CRLS1: variants seen among roughly 807,000 people sequenced by gnomAD.
CRLS1 encodes the protein cardiolipin synthase (CMP-forming).
CRLS1 carries 24 observed loss-of-function variants against 37.0 expected under a neutral mutation model. That is an observed-to-expected ratio of 0.65 (90% CI 0.47 to 0.91). The LOEUF is 0.91. Among genes scored for constraint, CRLS1 ranks in the 40% least tolerant of loss-of-function variants. The probability of loss-of-function intolerance (pLI) is 0.00; values close to 1 mark genes in which losing one functional copy is unlikely to be tolerated. For synonymous variants in CRLS1, 135 were observed against 159.7 expected, an observed-to-expected ratio of 0.85 and a Z score of 1.17; for missense variants, 373 against 395.8, an observed-to-expected ratio of 0.94 and a Z score of 0.49.
chr20:6,025,038 T>TG (rs1395318545), intron 3 of CRLS1, among the ~76,000 whole-genome samples: 1 of 152,146 alleles, frequency 6.6e-6, no homozygotes, highest in African/African-American at 2.4e-5. Context: ...CAGGCACTAG[T>TG]GGGGAAGCTG....
At chr20:6,028,025 CA>C (rs1749943881) in intron 3 of CRLS1, among the ~76,000 whole-genome samples, 1 of 152,172 alleles carries the variant, frequency 6.6e-6, no homozygotes, top group South Asian at 2.1e-4. Flanking sequence ...TATATCCTTT[CA>C]TTTCTTTACT....
chr20:6,025,044 A>T (rs1379283394), intron 3 of CRLS1, among the ~76,000 whole-genome samples: 1 of 152,016 alleles, frequency 6.6e-6, no homozygotes, highest in Non-Finnish European at 1.5e-5. Context: ...CTAGTGGGGA[A>T]GCTGCAGCAA....
intron 2 of CRLS1, among the ~76,000 whole-genome samples, chr20:6,011,833 A>ACCTCGGCCTC (rs1331117206): frequency 6.7e-6 from 1 of 150,350 alleles, no homozygotes; most frequent in East Asian, 2.0e-4. Flanking sequence ...TAATCCACCC[A>ACCTCGGCCTC]CCTCGGCCTC....
At chr20:6,016,022 G>T in intron 3 of CRLS1, 1 of 156,280 alleles carries the variant, frequency 6.4e-6, no homozygotes, top group Non-Finnish European at 1.4e-5. Context: ...TTTTGCATGT[G>T]CTTTTCTGAT....
At chr20:6,037,048 A>G in intron 6 of CRLS1, 26 bp from the exon 7 acceptor site, 1 of 1,552,326 alleles carries the variant, frequency 6.4e-7, no homozygotes, top group Non-Finnish European at 8.9e-7. Flanking sequence ...TGACAACTAC[A>G]TTTTATTTCT....
At position 6,037,074 on chromosome 20, in the gene CRLS1, G is replaced by T; in HGVS notation, c.822G>T (p.Trp274Cys). ...YADSIYLQIL[W>C]CFTAFTTAAS... ...TTTTATTTCTTTTCTTCCATAAAAG[G>T]TGTTTTACAGCTTTCACCACAGCTG... Residue 274 changes from tryptophan (W) to cysteine (C), a missense_variant and splice_region_variant, in exon 7 of 7, where the codon TGG becomes TGT. Trp to Cys is a radical substitution (Grantham distance 215). Coordinates refer to ENST00000378863, the MANE Select transcript of CRLS1 (RefSeq NM_019095.6). The T allele has an allele frequency of 1.9e-6, 3 of 1,607,646 alleles. No individual in the cohort carries two copies. Among genetic ancestry groups the T allele is most frequent in the Non-Finnish European group, 2.6e-6 (3 of 1,175,762 alleles).
chr20:6,036,103 C>T (rs956338440), intron 6 of CRLS1, among the ~76,000 whole-genome samples: 1 of 152,010 alleles, frequency 6.6e-6, no homozygotes, highest in Non-Finnish European at 1.5e-5. Flanking sequence ...CTGTGCCCAG[C>T]CACTAATTTT....
In CRLS1 at chr20:6,006,556, C is replaced by A. The variant is rs1013111803; in HGVS notation, c.306+4C>A. ...CCCGGCGAGCACCCCCAGCCTGGTA[C>A]GTACCGATGAGGCGGCGGCGGGCCG... is the stretch of plus-strand genomic sequence containing the variant. On this transcript the variant is annotated splice_donor_region_variant and intron_variant, in intron 1 of 6. Transcript: ENST00000378863. 9 of 1,270,602 alleles carry A rather than the reference C, an allele frequency of 7.1e-6. No homozygotes were observed. Among genetic ancestry groups the A allele is most frequent in the Non-Finnish European group, 8.9e-6 (9 of 1,013,128 alleles). 78.7% of individuals were successfully genotyped at this position (1,270,602 alleles called of 1,614,324 possible). A position where few individuals can be genotyped will look rare whatever the true frequency, so the allele number is the denominator to read the frequency against.
chr20:6,020,526 A>G (rs575562998), intron 3 of CRLS1, among the ~76,000 whole-genome samples: 2 of 152,236 alleles, frequency 1.3e-5, no homozygotes, highest in African/African-American at 4.8e-5. Flanking sequence ...GATTTTATAA[A>G]TATTCCATGA....
rs149662716 is a variant in CRLS1 at position 6,006,566 on chromosome 20, AGGC to A, written c.306+23_306+25del. 0.22 allele frequency: 280,212 copies of A among 1,262,314 alleles called. 31,838 individuals carry two copies. The highest frequency in any genetic ancestry group is 0.23 in the South Asian group (7,821 of 34,442). The allele number at this position is 1,262,314 out of a possible 1,614,324, so 78.2% of individuals were successfully genotyped here. A position where few individuals can be genotyped will look rare whatever the true frequency, so the allele number is the denominator to read the frequency against. On this transcript the variant is annotated intron_variant, in intron 1 of 6. Transcript: ENST00000378863. ...ACCCCCAGCCTGGTACGTACCGATG[AGGC>A]GGCGGCGGGCCGGCCCTGGGCTGGG...
intron 3 of CRLS1, among the ~76,000 whole-genome samples, chr20:6,019,982 C>T (rs1458663538): frequency 6.6e-6 from 1 of 151,408 alleles, no homozygotes; most frequent in African/African-American, 2.4e-5. Context: ...ATGCCTGGCT[C>T]TAAATTCTTT....
At chr20:6,014,551 T>C (rs2122939811) in intron 2 of CRLS1, among the ~76,000 whole-genome samples, 1 of 152,336 alleles carries the variant, frequency 6.6e-6, no homozygotes, top group East Asian at 1.9e-4. Context: ...ATATCTGCCT[T>C]GTTTAATGTG....
At chr20:6,020,299 A>G (rs1051533332) in intron 3 of CRLS1, among the ~76,000 whole-genome samples, 5 of 152,102 alleles carry the variant, frequency 3.3e-5, no homozygotes, top group Non-Finnish European at 7.4e-5. Context: ...TGCATCTCCT[A>G]TGTTGGTTTT....
chr20:6,006,605 C>T (rs1224580396), intron 1 of CRLS1, 53 bp downstream of exon 1: 2 of 1,243,396 alleles, frequency 1.6e-6, no homozygotes, highest in Admixed American at 4.3e-5. Context: ...GTCGCCGCCC[C>T]TGCACTCAGG....
intron 1 of CRLS1, chr20:6,007,471 A>G (rs2090074360): frequency 2.6e-6 from 4 of 1,515,822 alleles, no homozygotes; most frequent in Admixed American, 1.8e-5. Context: ...ACTTTTACGG[A>G]TTTAATGATT....
chr20:6,013,222 C>CTTT (rs10574006), intron 2 of CRLS1, among the ~76,000 whole-genome samples: 2,415 of 128,976 alleles, frequency 0.019, 74 homozygotes, highest in African/African-American at 0.063. Flanking sequence ...TTTGTTTGGC[C>CTTT]TTTTTTTTTT....
chr20:6,011,572 CTTTTTTTTTTTTTTT>C (rs559511975), intron 2 of CRLS1, among the ~76,000 whole-genome samples: 60 of 27,856 alleles, frequency 2.2e-3, no homozygotes, highest in Middle Eastern at 0.045. Flanking sequence ...TTTGTCCCTG[CTTTTTTTTTTTTTTT>C]TTTTTTTTTT....
chr20:6,029,406 C>T (rs368310997), intron 3 of CRLS1, among the ~76,000 whole-genome samples: 1 of 150,810 alleles, frequency 6.6e-6, no homozygotes, highest in East Asian at 1.9e-4. Context: ...CTCTTGTTGC[C>T]CAGGCTGGAG....
At chr20:6,015,220 G>A (rs190170329) in intron 2 of CRLS1, 141 bp from the exon 3 acceptor site, 1 of 488,690 alleles carries the variant, frequency 2.0e-6, no homozygotes, top group African/African-American at 2.0e-5. Flanking sequence ...GAATGAGAAT[G>A]TTTGGGGGTA....
Sources: allele counts gnomAD v4.1 joint callset (sites outside exome capture counted in the v4.1 genomes callset), GRCh38; gene constraint gnomAD v4.1.1; transcripts MANE v1.5; gene names NCBI Gene and HGNC (gene_info 2026-07-23, HGNC 2026-07-21).